Variants in NRG3 observed in about 807,000 individuals in gnomAD.
NRG3 encodes neuregulin 3.
NRG3 carries 31 observed loss-of-function variants against 66.9 expected under a neutral mutation model. The ratio of observed to expected loss-of-function variants is 0.46; its 90% CI spans 0.35 to 0.63. The LOEUF is 0.63. NRG3 is among the 20% of genes least tolerant of loss of function. NRG3 has a pLI of 0.00. For missense variants in NRG3, 910 were observed against 878.9 expected (o/e 1.04, Z -0.45); for synonymous variants, 393 against 359.4 (o/e 1.09, Z -1.06).
chr10:82,295,669 A>G (rs1410161270), intron 1 of NRG3, among the ~76,000 whole-genome samples: 1 of 152,140 alleles, frequency 6.6e-6, no homozygotes, highest in African/African-American at 2.4e-5. Flanking sequence ...AATTATTGTC[A>G]AATACAGTGA....
intron 3 of NRG3, among the ~76,000 whole-genome samples, chr10:82,831,013 T>A (rs2062493182): frequency 6.6e-6 from 1 of 152,228 alleles, no homozygotes; most frequent in Admixed American, 6.5e-5. Context: ...GCCTTTATGT[T>A]AGTCATAGGA....
chr10:82,407,992 T>A (rs1195966390), intron 2 of NRG3, among the ~76,000 whole-genome samples: 1 of 147,490 alleles, frequency 6.8e-6, no homozygotes, highest in Non-Finnish European at 1.5e-5. Flanking sequence ...TTGCTTGAGG[T>A]GAGCTAAGAT....
chr10:82,620,442 T>C (rs1231685960), intron 2 of NRG3, among the ~76,000 whole-genome samples: 1 of 152,042 alleles, frequency 6.6e-6, no homozygotes, highest in African/African-American at 2.4e-5. Flanking sequence ...CAGATAATCT[T>C]CCCTGAAGTC....
At chr10:82,853,496 G>A (rs2063662208) in intron 3 of NRG3, among the ~76,000 whole-genome samples, 1 of 152,140 alleles carries the variant, frequency 6.6e-6, no homozygotes, top group South Asian at 2.1e-4. Flanking sequence ...TTTCCTTGTA[G>A]AGGTCTTTCA....
In NRG3 at chr10:81,902,526, C is replaced by T. The variant is rs117404913; in HGVS notation, c.823+26363C>T. On this transcript the variant is annotated intron_variant, in intron 1 of 8. Coordinates refer to ENST00000372141, the MANE Select transcript of NRG3 (RefSeq NM_001010848.4). Reference sequence around the variant, plus strand: ...CTCTGCTCTTGGGCATTTGAGGATACGGGAGCAGGGGATGTCTGTAAGCCA... The same window carrying T: ...CTCTGCTCTTGGGCATTTGAGGATATGGGAGCAGGGGATGTCTGTAAGCCA... Among the ~76,000 whole-genome samples, 337 of 152,218 alleles carry T rather than the reference C, an allele frequency of 2.2e-3. 3 individuals are homozygous for T. Among genetic ancestry groups the T allele is most frequent in the Middle Eastern group, 0.01 (3 of 294 alleles).
rs558305972 is a variant in NRG3, at chr10:82,423,900, G to A, written c.953+65032G>A. 5.3e-5 allele frequency among the ~76,000 whole-genome samples: 8 copies of A among 152,040 alleles called. No individual in the cohort carries two copies. In the East Asian group the frequency reaches 1.5e-3, roughly 29 times the overall value. ...ATACAAATTGAATCCTACAACATGTGATCATTTGTCCCTGGCTTCTTTAAA... is the reference window on the plus strand; with the variant it reads ...ATACAAATTGAATCCTACAACATGTAATCATTTGTCCCTGGCTTCTTTAAA... On this transcript the variant is annotated intron_variant, in intron 2 of 8. Transcript: ENST00000372141.
chr10:82,392,450 G>A (rs1019369162), intron 2 of NRG3, among the ~76,000 whole-genome samples: 2 of 152,094 alleles, frequency 1.3e-5, no homozygotes, highest in African/African-American at 4.8e-5. Flanking sequence ...ATGCCAAAAG[G>A]TACATTAGGT....
intron 3 of NRG3, among the ~76,000 whole-genome samples, chr10:82,815,738 T>C (rs1383412716): frequency 2.0e-5 from 3 of 152,178 alleles, no homozygotes; most frequent in Non-Finnish European, 4.4e-5. Context: ...TCACACCTGC[T>C]GGGCTTATTC....
At chr10:82,350,886 G>A (rs571027458) in intron 1 of NRG3, among the ~76,000 whole-genome samples, 2 of 139,038 alleles carry the variant, frequency 1.4e-5, no homozygotes, top group Non-Finnish European at 3.0e-5. Context: ...AGGTGGTTGT[G>A]TTAACTCTTC....
At chr10:82,382,366 TTAA>T (rs1292242926) in intron 2 of NRG3, among the ~76,000 whole-genome samples, 1 of 152,058 alleles carries the variant, frequency 6.6e-6, no homozygotes, top group Non-Finnish European at 1.5e-5. Context: ...TTCAAATCCC[TTAA>T]TAATTATTTT....
chr10:81,964,366 A>C (rs1418459400), intron 1 of NRG3, among the ~76,000 whole-genome samples: 1 of 144,936 alleles, frequency 6.9e-6, no homozygotes, highest in Non-Finnish European at 1.5e-5. Context: ...GCTGCACTCC[A>C]GCTTGGGCAA....
intron 3 of NRG3, among the ~76,000 whole-genome samples, chr10:82,749,364 C>T (rs1372011973): frequency 6.6e-6 from 1 of 151,974 alleles, no homozygotes; most frequent in Non-Finnish European, 1.5e-5. Context: ...ACAGGTGTCT[C>T]GTGGCCATGG....
Position 82,512,391 on chromosome 10 carries a change from T to A in NRG3, c.953+153523T>A, listed in dbSNP as rs149646071. ...ACCTCTGCCTCCTGGGTTCAAGTGATTCTCCTACCTCAGCCTCCCAAGTAG... is the reference window on the plus strand; with the variant it reads ...ACCTCTGCCTCCTGGGTTCAAGTGAATCTCCTACCTCAGCCTCCCAAGTAG... On this transcript the variant is annotated intron_variant, in intron 2 of 8. Coordinates refer to ENST00000372141, the MANE Select transcript of NRG3 (RefSeq NM_001010848.4). Among the ~76,000 whole-genome samples, 282 of 152,138 alleles carry A rather than the reference T, an allele frequency of 1.9e-3. 3 individuals carry two copies. In the East Asian group the frequency reaches 0.049, roughly 26 times the overall value.
chr10:82,195,624 TGC>T (rs1268601800), intron 1 of NRG3, among the ~76,000 whole-genome samples: 60 of 152,302 alleles, frequency 3.9e-4, no homozygotes, highest in African/African-American at 1.4e-3. Flanking sequence ...CAGATACCCA[TGC>T]CCCAACCCCC....
chr10:82,219,220 T>C (rs1255528192), intron 1 of NRG3, among the ~76,000 whole-genome samples: 1 of 148,164 alleles, frequency 6.7e-6, no homozygotes, highest in Non-Finnish European at 1.5e-5. Context: ...TAAATATTGT[T>C]TTGTTTGGGT....
chr10:82,159,804 C>A (rs1302659752), intron 1 of NRG3, among the ~76,000 whole-genome samples: 6 of 151,718 alleles, frequency 4.0e-5, no homozygotes, highest in Middle Eastern at 3.4e-3. Context: ...GTTAAAAATA[C>A]AAATAAGAAG....
intron 7 of NRG3, among the ~76,000 whole-genome samples, chr10:82,978,619 G>T (rs187258783): frequency 6.6e-6 from 1 of 152,164 alleles, no homozygotes; most frequent in African/African-American, 2.4e-5. Context: ...GGATAATCAG[G>T]ATGGATGGGA....
rs1564642253 is a variant in NRG3 at position 81,900,239 on chromosome 10, CGCCTGGCCGGTTTTT to C, written c.823+24077_823+24091del. Reference sequence around the variant, plus strand: ...GTGGGATTACAGGCATGAGCCAATGCGCCTGGCCGGTTTTTAACGCACACTTCTTATAAGTGCCTA... The same window carrying C: ...GTGGGATTACAGGCATGAGCCAATGCAACGCACACTTCTTATAAGTGCCTA... On this transcript the variant is annotated intron_variant, in intron 1 of 8. Coordinates refer to ENST00000372141, the MANE Select transcript of NRG3 (RefSeq NM_001010848.4). Among the ~76,000 whole-genome samples, 1,430 of 148,300 alleles carry C rather than the reference CGCCTGGCCGGTTTTT, an allele frequency of 9.6e-3. 32 individuals are homozygous for C. Among genetic ancestry groups the C allele is most frequent in the African/African-American group, 0.034 (1,335 of 39,108 alleles).
intron 2 of NRG3, among the ~76,000 whole-genome samples, chr10:82,731,936 G>A (rs1285966479): frequency 6.6e-6 from 1 of 152,100 alleles, no homozygotes; most frequent in Non-Finnish European, 1.5e-5. Context: ...GCATAATATA[G>A]TTATGACTAT....
Sources: allele counts gnomAD v4.1 joint callset (sites outside exome capture counted in the v4.1 genomes callset), GRCh38; gene constraint gnomAD v4.1.1; transcripts MANE v1.5; gene names NCBI Gene and HGNC (gene_info 2026-07-23, HGNC 2026-07-21).